CC2D2B: variants seen among roughly 807,000 people sequenced by gnomAD.
CC2D2B encodes the protein protein CC2D2B.
In CC2D2B, 128 loss-of-function variants were observed where a neutral mutation model predicts 161.2. The observed-to-expected ratio is 0.79, with a 90% CI of 0.69 to 0.92. CC2D2B has a LOEUF of 0.92. Among genes scored for constraint, CC2D2B ranks in the 40% least tolerant of loss-of-function variants. The probability of loss-of-function intolerance (pLI) is 0.00; values close to 1 mark genes in which losing one functional copy is unlikely to be tolerated. For missense variants in CC2D2B, 1,173 were observed against 1,375.1 expected (o/e 0.85, Z 2.32); for synonymous variants, 391 against 449.8 (o/e 0.87, Z 1.65).
chr10:96,017,737 C>G (rs1238409533), intron 30 of CC2D2B, among the ~76,000 whole-genome samples: 4 of 151,344 alleles, frequency 2.6e-5, no homozygotes, highest in Non-Finnish European at 4.4e-5. Context: ...TCAAGATCAG[C>G]CTGGATAACA....
At chr10:96,018,481 A>G (rs929380632) in intron 30 of CC2D2B, among the ~76,000 whole-genome samples, 1 of 152,134 alleles carries the variant, frequency 6.6e-6, no homozygotes, top group African/African-American at 2.4e-5. Context: ...ATATATTCTA[A>G]CCAAAGCAGG....
chr10:95,939,552 A>G (rs1411465594), intron 9 of CC2D2B, among the ~76,000 whole-genome samples: 1 of 147,940 alleles, frequency 6.8e-6, no homozygotes, highest in Non-Finnish European at 1.5e-5. Context: ...GTTTTACTAT[A>G]TAGTGCCAAA....
intron 32 of CC2D2B, chr10:96,020,693 C>G (rs185337349): frequency 2.6e-5 from 4 of 152,224 alleles, no homozygotes; most frequent in Non-Finnish European, 4.4e-5. Context: ...GAAGCAGTAA[C>G]TTACATGCTA....
intron 17 of CC2D2B, among the ~76,000 whole-genome samples, chr10:95,978,028 C>T (rs1479189131): frequency 6.6e-6 from 1 of 151,880 alleles, no homozygotes; most frequent in African/African-American, 2.4e-5. Flanking sequence ...CGTGAGTATA[C>T]GTAATACTAC....
chr10:95,949,669 T>A (rs11596385), intron 9 of CC2D2B, among the ~76,000 whole-genome samples: 7,486 of 95,044 alleles, frequency 0.079, 248 homozygotes, highest in South Asian at 0.15. Flanking sequence ...AAAAAAAAAA[T>A]TAAAAAAAAA....
At chr10:95,934,974 G>A (rs1020922061) in intron 6 of CC2D2B, among the ~76,000 whole-genome samples, 27 of 152,100 alleles carry the variant, frequency 1.8e-4, no homozygotes, top group Non-Finnish European at 2.9e-4. Context: ...GGCTTCAAGC[G>A]ATTCTCTTGC....
intron 9 of CC2D2B, among the ~76,000 whole-genome samples, chr10:95,940,508 A>G (rs2075985087): frequency 6.6e-6 from 1 of 152,152 alleles, no homozygotes; most frequent in African/African-American, 2.4e-5. Context: ...TTTATTCTAA[A>G]AAGTTTATTG....
chr10:96,007,930 T>C (rs1386889503), intron 25 of CC2D2B, among the ~76,000 whole-genome samples: 1 of 152,122 alleles, frequency 6.6e-6, no homozygotes, highest in Admixed American at 6.6e-5. Flanking sequence ...TATTGAGGAA[T>C]GATTAGCATG....
intron 28 of CC2D2B, 105 bp from the exon 29 acceptor site, chr10:96,013,683 C>G (rs1375959290): frequency 5.0e-6 from 3 of 597,874 alleles, no homozygotes; most frequent in Non-Finnish European, 8.5e-6. Flanking sequence ...ATAGTGTCTA[C>G]TTTTATAGGC....
At chr10:95,991,529 T>C (rs1590775849) in intron 21 of CC2D2B, 68 bp downstream of exon 21, 2 of 439,778 alleles carry the variant, frequency 4.5e-6, no homozygotes, top group East Asian at 7.6e-5. Flanking sequence ...ATCCTCTAAG[T>C]TCTCTATTTT....
At chr10:95,942,049 A>G (rs2076041989) in intron 9 of CC2D2B, among the ~76,000 whole-genome samples, 1 of 152,194 alleles carries the variant, frequency 6.6e-6, no homozygotes, top group Non-Finnish European at 1.5e-5. Context: ...GTTATACTAA[A>G]TGAAATAAGT....
At chr10:95,959,133 G>GA (rs200280799) in intron 11 of CC2D2B, among the ~76,000 whole-genome samples, 6,412 of 151,784 alleles carry the variant, frequency 0.042, 185 homozygotes, top group South Asian at 0.082. Flanking sequence ...TGAAAGACAA[G>GA]AAAAAAAACC....
At chr10:95,912,751 G>A (rs925142967) in intron 2 of CC2D2B, among the ~76,000 whole-genome samples, 1 of 152,088 alleles carries the variant, frequency 6.6e-6, no homozygotes, top group African/African-American at 2.4e-5. Context: ...TGAACACTAA[G>A]AACTAACTCT....
intron 26 of CC2D2B, among the ~76,000 whole-genome samples, chr10:96,011,510 A>G (rs1013911967): frequency 1.3e-5 from 2 of 152,176 alleles, no homozygotes; most frequent in Non-Finnish European, 2.9e-5. Flanking sequence ...CACTTGGCAC[A>G]GGGTCTTGCA....
In CC2D2B at chr10:95,988,323, CT is replaced by C; in HGVS notation, c.2361del (p.Ala788ProfsTer4). ...VNSITAQRIN[S>X]ANFLKKVRRL... ...TCTATTACAGCACAAAGGATTAATT[CT>C]GCCAATTTTCTGAAAAAGGTAACAA... On this transcript the variant is annotated frameshift_variant, in exon 20 of 35. Coordinates refer to ENST00000646931, the MANE Select transcript of CC2D2B (RefSeq NM_001349008.3). LOFTEE classifies it high-confidence loss of function. The C allele has an allele frequency of 8.2e-7, 1 of 1,226,562 alleles. No individual in the cohort carries two copies. Among genetic ancestry groups the C allele is most frequent in the Non-Finnish European group, 1.0e-6 (1 of 981,338 alleles). The allele number at this position is 1,226,562 out of a possible 1,614,324, so 76.0% of individuals were successfully genotyped here.
chr10:96,012,099 G>A lies in CC2D2B; in HGVS notation c.3046-86G>A, dbSNP rs544801815. The A allele has an allele frequency of 6.5e-4, 356 of 549,834 alleles. 9 individuals are homozygous for A. In the South Asian group the frequency reaches 9.2e-3, roughly 14 times the overall value. The allele number at this position is 549,834 out of a possible 1,614,324, so 34.1% of individuals were successfully genotyped here. A position where few individuals can be genotyped will look rare whatever the true frequency, so the allele number is the denominator to read the frequency against. ...TCACGCAAGCAAGCAAGCTTTCTGTGATGGAGTGGACTCTGCTGGGCCTAA... is the reference window on the plus strand; with the variant it reads ...TCACGCAAGCAAGCAAGCTTTCTGTAATGGAGTGGACTCTGCTGGGCCTAA... On this transcript the variant is annotated intron_variant, in intron 26 of 34. Transcript: ENST00000646931.
Position 96,031,857 on chromosome 10 carries a change from TAC to T in CC2D2B, c.4165_4166del (p.Gln1389ValfsTer4). Reference sequence around the variant, plus strand: ...CCCATCCAGATGCCATACATTGATGTACAGTCAATTATTGATGCTGTTTATCA... The same window carrying T: ...CCCATCCAGATGCCATACATTGATGTAGTCAATTATTGATGCTGTTTATCA... On this transcript the variant is annotated frameshift_variant, in exon 35 of 35. Transcript: ENST00000646931. LOFTEE classifies it high-confidence loss of function. 1.2e-6 allele frequency: 2 copies of T among 1,613,748 alleles called. No homozygotes were observed. Among genetic ancestry groups the T allele is most frequent in the Non-Finnish European group, 1.7e-6 (2 of 1,179,696 alleles).
At chr10:95,955,550 G>A (rs2076542130) in intron 11 of CC2D2B, 59 bp downstream of exon 11, 2 of 396,856 alleles carry the variant, frequency 5.0e-6, no homozygotes, top group South Asian at 1.3e-4. Context: ...TTTAGACAAA[G>A]TACTGCACTT....
At chr10:95,969,479 T>C (rs906633962) in intron 15 of CC2D2B, among the ~76,000 whole-genome samples, 1 of 151,918 alleles carries the variant, frequency 6.6e-6, no homozygotes, top group Non-Finnish European at 1.5e-5. Flanking sequence ...GAAGTCCTGG[T>C]GGCTAAAAAT....
Sources: gnomAD v4.1 joint callset for allele counts (sites outside exome capture counted in the v4.1 genomes callset) on GRCh38, gnomAD v4.1.1 for gene constraint, MANE v1.5 for transcripts, NCBI Gene and HGNC (gene_info 2026-07-23, HGNC 2026-07-21) for gene names.